The following ZNF385B variants were observed in gnomAD, a reference collection of about 807,000 sequenced individuals.
ZNF385B encodes the protein zinc finger protein 385B.
Under a neutral mutation model 39.2 loss-of-function variants are expected in ZNF385B, and 23 were observed. The observed-to-expected ratio is 0.59, with a 90% confidence interval of 0.42 to 0.83. ZNF385B has a LOEUF of 0.83. Ranked by LOEUF, ZNF385B falls within the 40% of genes least tolerant of loss-of-function variation. The probability of loss-of-function intolerance (pLI) is 0.00; values close to 1 mark genes in which losing one functional copy is unlikely to be tolerated. For missense variants in ZNF385B, 552 were observed against 598.9 expected (o/e 0.92, Z 0.82); for synonymous variants, 205 against 222.6 (o/e 0.92, Z 0.70).
chr2:179,856,236 A>G (rs1684583327), intron 1 of ZNF385B, among the ~76,000 whole-genome samples: 1 of 152,158 alleles, frequency 6.6e-6, no homozygotes, highest in Non-Finnish European at 1.5e-5. Context: ...AATAACAACT[A>G]AAGTTCAAGT....
At position 179,592,838 on chromosome 2, in the gene ZNF385B, T is replaced by TCAA. The variant is rs1687683940; in HGVS notation, c.299-47870_299-47869insTTG. ...CATATACTTTATTTCTCTGTGTCTT[T>TCAA]TTTGTTATTGAGAGCAGGCCCCAAT... On this transcript the variant is annotated intron_variant, in intron 3 of 9. Coordinates refer to ENST00000410066, the MANE Select transcript of ZNF385B (RefSeq NM_152520.6). Among the ~76,000 whole-genome samples the TCAA allele has an allele frequency of 1.6e-4, 24 of 152,318 alleles. No homozygotes were observed. The South Asian group carries it at 5.0e-3, about 32-fold the overall frequency.
intron 3 of ZNF385B, among the ~76,000 whole-genome samples, chr2:179,550,782 A>G (rs1187080093): frequency 1.3e-5 from 2 of 149,028 alleles, no homozygotes; most frequent in African/African-American, 2.5e-5. Context: ...CTGTCTTCAT[A>G]TTTCAGATTT....
At chr2:179,673,854 T>C (rs1696386773) in intron 3 of ZNF385B, among the ~76,000 whole-genome samples, 1 of 152,216 alleles carries the variant, frequency 6.6e-6, no homozygotes, top group Admixed American at 6.5e-5. Flanking sequence ...TTTCTTAAAC[T>C]TAATAAAGAA....
intron 6 of ZNF385B, among the ~76,000 whole-genome samples, chr2:179,452,370 C>T (rs1028200644): frequency 6.6e-6 from 1 of 152,040 alleles, no homozygotes; most frequent in African/African-American, 2.4e-5. Flanking sequence ...AAACTTAGCA[C>T]TATACTACTC....
At chr2:179,734,026 C>A (rs546432719) in intron 3 of ZNF385B, among the ~76,000 whole-genome samples, 1 of 152,190 alleles carries the variant, frequency 6.6e-6, no homozygotes, top group East Asian at 1.9e-4. Flanking sequence ...ATACTTTGTT[C>A]TGCATATTGC....
chr2:179,774,895 G>A (rs1487451353), intron 1 of ZNF385B, among the ~76,000 whole-genome samples: 1 of 152,186 alleles, frequency 6.6e-6, no homozygotes, highest in Non-Finnish European at 1.5e-5. Flanking sequence ...TGTGACATTA[G>A]CCCTTTCCTG....
intron 5 of ZNF385B, among the ~76,000 whole-genome samples, chr2:179,499,314 C>T (rs1473184616): frequency 2.6e-5 from 4 of 151,820 alleles, no homozygotes; most frequent in African/African-American, 9.7e-5. Flanking sequence ...ACTCGTTCTA[C>T]AAGGCCAGTA....
intron 5 of ZNF385B, among the ~76,000 whole-genome samples, chr2:179,493,753 A>ATG (rs767159323): frequency 0.11 from 15,393 of 133,866 alleles, 3,044 homozygotes; most frequent in East Asian, 0.15. Flanking sequence ...ATATGTGTAT[A>ATG]TACATATATG....
intron 3 of ZNF385B, among the ~76,000 whole-genome samples, chr2:179,549,300 T>C (rs1364808889): frequency 6.7e-6 from 1 of 149,684 alleles, no homozygotes; most frequent in Non-Finnish European, 1.5e-5. Flanking sequence ...CTTATGTGGA[T>C]ATATGTTTTC....
At chr2:179,470,696 T>C (rs1219607721) in intron 6 of ZNF385B, among the ~76,000 whole-genome samples, 3 of 152,222 alleles carry the variant, frequency 2.0e-5, no homozygotes, top group African/African-American at 7.2e-5. Context: ...GTGAGGCTAG[T>C]GTTAGCCTGT....
chr2:179,804,702 A>G (rs1706241058), intron 1 of ZNF385B, among the ~76,000 whole-genome samples: 1 of 152,228 alleles, frequency 6.6e-6, no homozygotes, highest in Admixed American at 6.5e-5. Context: ...TGTGCTGGGC[A>G]CACAGTGAGC....
intron 5 of ZNF385B, among the ~76,000 whole-genome samples, chr2:179,496,847 G>C (rs1020255529): frequency 6.6e-6 from 1 of 152,188 alleles, no homozygotes; most frequent in East Asian, 1.9e-4. Context: ...CCAGGTGTTC[G>C]AGACCAGCCT....
chr2:179,761,756 C>CTTTTTTTTTTTTTTTTTTTTTTTTTTT (rs1420842226), intron 3 of ZNF385B, among the ~76,000 whole-genome samples: 1 of 109,586 alleles, frequency 9.1e-6, no homozygotes. Context: ...CATTTTTTTT[C>CTTTTTTTTTTTTTTTTTTTTTTTTTTT]TTTTCTTTTT....
intron 4 of ZNF385B, among the ~76,000 whole-genome samples, chr2:179,523,238 C>G: frequency 6.6e-6 from 1 of 150,828 alleles, no homozygotes; most frequent in South Asian, 2.1e-4. Context: ...ACTTATAAAA[C>G]AAATTAATGA....
chr2:179,573,565 A>G (rs1012609352), intron 3 of ZNF385B, among the ~76,000 whole-genome samples: 4 of 152,128 alleles, frequency 2.6e-5, no homozygotes, highest in African/African-American at 9.7e-5. Flanking sequence ...TAGTTATGTC[A>G]TGTGCTGTAA....
chr2:179,847,089 A>G (rs1045038058), intron 1 of ZNF385B, among the ~76,000 whole-genome samples: 4 of 152,228 alleles, frequency 2.6e-5, no homozygotes, highest in African/African-American at 7.2e-5. Context: ...AAGAACACAA[A>G]TATACTCTTC....
chr2:179,785,151 T>A (rs2106529679), intron 1 of ZNF385B, among the ~76,000 whole-genome samples: 1 of 152,164 alleles, frequency 6.6e-6, no homozygotes, highest in South Asian at 2.1e-4. Flanking sequence ...ACATAAAGCA[T>A]GAAAACATGT....
intron 5 of ZNF385B, among the ~76,000 whole-genome samples, chr2:179,491,056 C>A (rs974146820): frequency 2.6e-5 from 4 of 152,086 alleles, no homozygotes; most frequent in African/African-American, 9.7e-5. Context: ...TGAATGAATA[C>A]TGTAAATTAT....
chr2:179,835,591 C>T (rs571587773), intron 1 of ZNF385B, among the ~76,000 whole-genome samples: 7 of 152,154 alleles, frequency 4.6e-5, no homozygotes, highest in Non-Finnish European at 1.0e-4. Flanking sequence ...CCAACCACTG[C>T]ACTATCTGCC....
Sources: allele counts gnomAD v4.1 joint callset (sites outside exome capture counted in the v4.1 genomes callset), GRCh38; gene constraint gnomAD v4.1.1; transcripts MANE v1.5; gene names NCBI Gene and HGNC (gene_info 2026-07-23, HGNC 2026-07-21).